The following FSTL4 variants were observed in gnomAD, a reference collection of about 807,000 sequenced individuals.
FSTL4 encodes the protein follistatin-related protein 4.
In FSTL4, 28 loss-of-function variants were observed where a neutral mutation model predicts 78.2. The ratio of observed to expected loss-of-function variants is 0.36; its 90% confidence interval spans 0.27 to 0.49. The LOEUF is 0.49. FSTL4 is among the 20% of genes least tolerant of loss of function. The pLI, the probability that FSTL4 is intolerant of heterozygous loss-of-function variation, is 0.98. For synonymous variants in FSTL4, 422 were observed against 440.5 expected (o/e 0.96, Z 0.53); for missense variants, 922 against 1,084.9 (o/e 0.85, Z 2.11).
the FSTL4 span, among the ~76,000 whole-genome samples, chr5:133,638,938 TA>T: frequency 6.6e-6 from 1 of 152,218 alleles, no homozygotes; most frequent in Non-Finnish European, 1.5e-5. Context: ...TTTAACCTTT[TA>T]AAGTGTGCTT....
In FSTL4 at chr5:133,302,242, T is replaced by C. The variant is rs139803236; in HGVS notation, c.727+10412A>G. Among the ~76,000 whole-genome samples the C allele has an allele frequency of 3.8e-3, 576 of 152,132 alleles. 6 individuals are homozygous for C. Among genetic ancestry groups the C allele is most frequent in the African/African-American group, 0.013 (545 of 41,516 alleles). ...GCCGTTACATGTGCCCCCTTCTACA[T>C]AGACTCAGAACATCTGCTCCTCCAT... On this transcript the variant is annotated intron_variant, in intron 6 of 15. Coordinates refer to ENST00000265342, the MANE Select transcript of FSTL4 (RefSeq NM_015082.2).
the FSTL4 span, among the ~76,000 whole-genome samples, chr5:133,733,668 A>C: frequency 6.6e-6 from 1 of 152,244 alleles, no homozygotes; most frequent in Admixed American, 6.5e-5. Flanking sequence ...CAACTCCATT[A>C]GTTATCTATC....
intron 4 of FSTL4, among the ~76,000 whole-genome samples, chr5:133,327,492 G>C (rs1754241633): frequency 6.6e-6 from 1 of 152,188 alleles, no homozygotes. Flanking sequence ...GGAGGGGCCT[G>C]GAAGGGAAAA....
chr5:133,218,741 GA>G (rs1750997010), intron 12 of FSTL4, among the ~76,000 whole-genome samples: 1 of 152,096 alleles, frequency 6.6e-6, no homozygotes, highest in Non-Finnish European at 1.5e-5. Context: ...ACCTTATTGG[GA>G]GGTCTTCTCT....
chr5:133,782,593 G>T, the FSTL4 span, among the ~76,000 whole-genome samples: 1 of 152,236 alleles, frequency 6.6e-6, no homozygotes, highest in African/African-American at 2.4e-5. Flanking sequence ...AGCACAGACA[G>T]CTTCAGTACC....
At chr5:133,267,540 G>C (rs1438539222) in intron 6 of FSTL4, among the ~76,000 whole-genome samples, 1 of 152,182 alleles carries the variant, frequency 6.6e-6, no homozygotes, top group African/African-American at 2.4e-5. Flanking sequence ...CCTCTCCCCT[G>C]ATGCCCAGGC....
the FSTL4 span, among the ~76,000 whole-genome samples, chr5:133,805,987 T>A: frequency 6.6e-6 from 1 of 152,176 alleles, no homozygotes; most frequent in Non-Finnish European, 1.5e-5. Context: ...GTTGCCTGCA[T>A]CCCCATGTAT....
At chr5:133,249,980 A>G (rs1404407838) in intron 6 of FSTL4, among the ~76,000 whole-genome samples, 2 of 152,332 alleles carry the variant, frequency 1.3e-5, no homozygotes, top group East Asian at 3.9e-4. Context: ...AGTGCAGACA[A>G]GGTCTGCTGA....
intron 3 of FSTL4, among the ~76,000 whole-genome samples, chr5:133,494,540 C>A (rs1486199931): frequency 2.0e-5 from 3 of 152,148 alleles, no homozygotes; most frequent in Non-Finnish European, 4.4e-5. Flanking sequence ...TTTTGGATAT[C>A]CTGCCACCAC....
intron 2 of FSTL4, among the ~76,000 whole-genome samples, chr5:133,580,751 T>C (rs1193974801): frequency 1.3e-5 from 2 of 152,222 alleles, no homozygotes; most frequent in African/African-American, 4.8e-5. Flanking sequence ...CTCTTCACTG[T>C]CATCTCCCTA....
In FSTL4 at chr5:133,267,760, G is replaced by T. The variant is rs114191533; in HGVS notation, c.728-18184C>A. Among the ~76,000 whole-genome samples, 84 of 152,254 alleles carry T rather than the reference G, an allele frequency of 5.5e-4. 3 individuals are homozygous for T. The South Asian group carries it at 0.016, about 29-fold the overall frequency. On this transcript the variant is annotated intron_variant, in intron 6 of 15. Coordinates refer to ENST00000265342, the MANE Select transcript of FSTL4 (RefSeq NM_015082.2). ...AGAGACTGCTAGATAGGTTCCAAGT[G>T]GGGGAGGTGTGATTTGCTTGGGGCA...
At chr5:133,395,661 CTACA>C (rs1756016096) in intron 4 of FSTL4, among the ~76,000 whole-genome samples, 1 of 152,180 alleles carries the variant, frequency 6.6e-6, no homozygotes, top group East Asian at 1.9e-4. Flanking sequence ...ATGCTCTCCC[CTACA>C]CCCAGGATCC....
rs1284561681 is a variant in FSTL4, at chr5:133,611,558, A to C, written c.-11+767T>G. ...GATCATCCACAGTGCAAGCTCTCTT[A>C]GGACCAAGCCCCCAGCCCGAACGCT... is the stretch of plus-strand genomic sequence containing the variant. On this transcript the variant is annotated intron_variant, in intron 1 of 15. Transcript: ENST00000265342. This position sits in a 1 kb window ranked among gnomAD's most constrained non-coding sequence, Gnocchi z 4.9. 1.3e-5 allele frequency among the ~76,000 whole-genome samples: 2 copies of C among 152,200 alleles called. No homozygotes were observed. The highest frequency in any genetic ancestry group is 2.9e-5 in the Non-Finnish European group (2 of 68,030).
chr5:133,240,262 G>T (rs528161389), intron 7 of FSTL4, among the ~76,000 whole-genome samples: 1 of 152,336 alleles, frequency 6.6e-6, no homozygotes, highest in South Asian at 2.1e-4. Flanking sequence ...CTTCATTCTT[G>T]AAGTCAGTGA....
intron 6 of FSTL4, among the ~76,000 whole-genome samples, chr5:133,277,024 G>T (rs1051910251): frequency 2.0e-5 from 3 of 152,168 alleles, no homozygotes; most frequent in African/African-American, 7.2e-5. Flanking sequence ...GAAAGACAGG[G>T]TAATAGGCTG....
At chr5:133,202,138 G>T (rs914062322) in intron 14 of FSTL4, 96 bp from the exon 15 acceptor site, 1 of 709,654 alleles carries the variant, frequency 1.4e-6, no homozygotes, top group Non-Finnish European at 2.4e-6. Context: ...CCCGGCAGAG[G>T]GGTGCTTGGG....
At chr5:133,769,986 G>A in the FSTL4 span, among the ~76,000 whole-genome samples, 1 of 152,054 alleles carries the variant, frequency 6.6e-6, no homozygotes, top group African/African-American at 2.4e-5. Context: ...ATTTCACTTA[G>A]GGTAATGGCC....
chr5:133,605,224 GTTA>G (rs2112981277), intron 1 of FSTL4, among the ~76,000 whole-genome samples: 1 of 152,324 alleles, frequency 6.6e-6, no homozygotes, highest in South Asian at 2.1e-4. Flanking sequence ...AACTTTAGGG[GTTA>G]TTGATTTCTG....
intron 3 of FSTL4, among the ~76,000 whole-genome samples, chr5:133,425,899 G>C (rs917288615): frequency 6.6e-6 from 1 of 152,206 alleles, no homozygotes; most frequent in Non-Finnish European, 1.5e-5. Flanking sequence ...TCCAAAGGGA[G>C]AACAGGGACA....
Sources: allele counts gnomAD v4.1 joint callset (sites outside exome capture counted in the v4.1 genomes callset), GRCh38; gene constraint gnomAD v4.1.1; non-coding constraint Gnocchi (gnomAD v3.1); transcripts MANE v1.5; gene names NCBI Gene and HGNC (gene_info 2026-07-23, HGNC 2026-07-21).